Variants in KDELR3 observed in about 807,000 individuals in gnomAD.
The protein encoded by KDELR3 is KDEL endoplasmic reticulum protein retention receptor 3.
In KDELR3, 26 loss-of-function variants were observed where a neutral mutation model predicts 22.7. That is an observed-to-expected ratio of 1.15 (90% CI 0.84 to 1.59). KDELR3 has a LOEUF of 1.59. Ranked by LOEUF, KDELR3 falls within the 40% of genes most tolerant of loss-of-function variation. KDELR3 has a pLI of 0.00. For synonymous variants in KDELR3, 120 were observed against 98.2 expected (o/e 1.22, Z -1.31); for missense variants, 289 against 251.1 (o/e 1.15, Z -1.02).
At chr22:38,469,851 G>A (rs562059281) in intron 1 of KDELR3, among the ~76,000 whole-genome samples, 2 of 152,236 alleles carry the variant, frequency 1.3e-5, no homozygotes, top group African/African-American at 4.8e-5. Flanking sequence ...ACAGAGTTTC[G>A]CTTTGTCCCT....
At chr22:38,471,856 C>T (rs963245544) in intron 1 of KDELR3, among the ~76,000 whole-genome samples, 1 of 147,886 alleles carries the variant, frequency 6.8e-6, no homozygotes, top group Non-Finnish European at 1.5e-5. Context: ...CCCAGCTACT[C>T]AGGAGGCTAA....
At chr22:38,482,400 C>A in intron 4 of KDELR3, 96 bp from the exon 5 acceptor site, 1 of 995,538 alleles carries the variant, frequency 1.0e-6, no homozygotes, top group Non-Finnish European at 1.6e-6. Flanking sequence ...TACTGTGAGC[C>A]GGCCATTAAG....
intron 4 of KDELR3, among the ~76,000 whole-genome samples, 185 bp from the exon 5 acceptor site, chr22:38,482,311 G>C (rs1220944559): frequency 6.6e-6 from 1 of 152,188 alleles, no homozygotes; most frequent in Non-Finnish European, 1.5e-5. Context: ...GGGGAAGGGT[G>C]CCAGTAACCA....
intron 1 of KDELR3, among the ~76,000 whole-genome samples, chr22:38,468,674 G>C (rs1436407598): frequency 4.6e-5 from 7 of 152,098 alleles, no homozygotes; most frequent in Non-Finnish European, 1.0e-4. Flanking sequence ...GGGAGAAGCA[G>C]ATATGCACTC....
intron 1 of KDELR3, among the ~76,000 whole-genome samples, chr22:38,469,833 A>AT (rs1434100071): frequency 2.6e-5 from 4 of 152,088 alleles, no homozygotes; most frequent in Middle Eastern, 3.4e-3. Flanking sequence ...TTTTATTTTT[A>AT]TTTTTTAACA....
chr22:38,468,417 G>T (rs1009162736), intron 1 of KDELR3, 93 bp downstream of exon 1: 5 of 1,044,652 alleles, frequency 4.8e-6, no homozygotes, highest in Admixed American at 4.1e-5. Flanking sequence ...TGTCTGCTCA[G>T]GGTGGGGACT....
intron 4 of KDELR3, chr22:38,481,755 A>G: frequency 1.2e-6 from 1 of 832,918 alleles, no homozygotes. Flanking sequence ...GGCAACCACC[A>G]GCTTGGTGTG....
intron 1 of KDELR3, among the ~76,000 whole-genome samples, chr22:38,472,962 A>G (rs2089534354): frequency 6.6e-6 from 1 of 152,022 alleles, no homozygotes; most frequent in Admixed American, 6.5e-5. Flanking sequence ...CGGCCTCCCA[A>G]AGTGTTGGAT....
At chr22:38,468,942 C>G (rs573077251) in intron 1 of KDELR3, among the ~76,000 whole-genome samples, 1 of 152,188 alleles carries the variant, frequency 6.6e-6, no homozygotes, top group Non-Finnish European at 1.5e-5. Context: ...GCTGGACTCG[C>G]GGTCGCCAAC....
In KDELR3 at chr22:38,482,722, C is replaced by T; in HGVS notation, c.*186C>T. 3.3e-6 allele frequency: 2 copies of T among 600,660 alleles called. No homozygotes were observed. The highest frequency in any genetic ancestry group is 5.9e-6 in the Non-Finnish European group (2 of 340,360). 37.2% of individuals were successfully genotyped at this position (600,660 alleles called of 1,614,324 possible). A position where few individuals can be genotyped will look rare whatever the true frequency, so the allele number is the denominator to read the frequency against. On this transcript the variant is annotated 3_prime_UTR_variant, in exon 5 of 5. Transcript: ENST00000216014. ...CTCATCAATAGATCGCCCTTAAAGACCCATTGTAAGGTCATAAAAAACCTC... is the reference window on the plus strand; with the variant it reads ...CTCATCAATAGATCGCCCTTAAAGATCCATTGTAAGGTCATAAAAAACCTC...
chr22:38,480,174 C>CA (rs1455654084), intron 3 of KDELR3, among the ~76,000 whole-genome samples: 4 of 152,042 alleles, frequency 2.6e-5, no homozygotes, highest in Non-Finnish European at 5.9e-5. Flanking sequence ...GATGGAGTCT[C>CA]ACTCTGTTGC....
At chr22:38,470,943 A>G (rs903627476) in intron 1 of KDELR3, among the ~76,000 whole-genome samples, 1 of 152,168 alleles carries the variant, frequency 6.6e-6, no homozygotes, top group Admixed American at 6.5e-5. Flanking sequence ...CAGGAGTTCA[A>G]GACCAGCCTG....
chr22:38,481,574 A>C (rs2089601724), intron 4 of KDELR3, 110 bp downstream of exon 4: 1 of 1,555,044 alleles, frequency 6.4e-7, no homozygotes, highest in Non-Finnish European at 8.7e-7. Flanking sequence ...TGCCATCCAC[A>C]ATGCTTGTGT....
rs1466917990 is a variant in KDELR3 at position 38,468,247 on chromosome 22, G to A, written c.14G>A (p.Arg5Gln). 1 of 1,613,802 alleles carries A rather than the reference G, an allele frequency of 6.2e-7. No individual in the cohort carries two copies. The highest frequency in any genetic ancestry group is 8.5e-7 in the Non-Finnish European group (1 of 1,179,930). ...ACTGGCTGGACCATGAACGTGTTCC[G>A]AATCCTCGGCGACCTGAGCCACCTC... MNVF[R>Q]ILGDLSHLLA... The change falls in exon 1 of 5, where the codon CGA becomes CAA. Residue 5 changes from arginine to glutamine, a missense_variant. Arg to Gln is a conservative substitution (Grantham distance 43, BLOSUM62 1). Transcript: ENST00000216014.
chr22:38,481,835 A>C (rs902933530), intron 4 of KDELR3, among the ~76,000 whole-genome samples: 2 of 152,246 alleles, frequency 1.3e-5, no homozygotes, highest in Admixed American at 1.3e-4. Context: ...CAGTTCACAT[A>C]GGGCAGGGGT....
Position 38,482,540 on chromosome 22 carries a change from C to T in KDELR3, c.*4C>T. 1 of 1,609,286 alleles carries T rather than the reference C, an allele frequency of 6.2e-7. No homozygotes were observed. The highest frequency in any genetic ancestry group is 8.5e-7 in the Non-Finnish European group (1 of 1,175,572). On this transcript the variant is annotated 3_prime_UTR_variant, in exon 5 of 5. Coordinates refer to ENST00000216014, the MANE Select transcript of KDELR3 (RefSeq NM_006855.4). ...AAGTCTTCCAATGCCAATCTGAGGA[C>T]CTTCAGAGACAGTCTACGCCTTAAC...
At chr22:38,476,306 G>A (rs533830755) in intron 2 of KDELR3, among the ~76,000 whole-genome samples, 20 of 151,338 alleles carry the variant, frequency 1.3e-4, no homozygotes, top group Admixed American at 5.9e-4. Context: ...TGCAAGCTCC[G>A]CCTCCCGGGT....
Position 38,481,358 on chromosome 22 carries a change from G to C in KDELR3, c.498G>C (p.Trp166Cys). Residue 166 changes from tryptophan (W) to cysteine (C), a missense_variant, in exon 4 of 5, where the codon TGG becomes TGC. Coordinates refer to ENST00000216014, the MANE Select transcript of KDELR3 (RefSeq NM_006855.4). Reference protein sequence around the residue: ...GLYRALYLANWIRRYQTENFY... With the variant: ...GLYRALYLANCIRRYQTENFY... Reference sequence around the variant, plus strand: ...ACCGGGCACTCTACCTGGCTAACTGGATCAGGCGGTACCAGACTGAGAATT... The same window carrying C: ...ACCGGGCACTCTACCTGGCTAACTGCATCAGGCGGTACCAGACTGAGAATT... The C allele has an allele frequency of 1.2e-6, 2 of 1,614,194 alleles. No homozygotes were observed. Among genetic ancestry groups the C allele is most frequent in the South Asian group, 2.2e-5 (2 of 91,090 alleles).
intron 2 of KDELR3, 146 bp downstream of exon 2, chr22:38,474,769 T>G: frequency 1.5e-6 from 1 of 652,232 alleles, no homozygotes; most frequent in Non-Finnish European, 2.7e-6. Context: ...AGACCTCATC[T>G]TGGGCCTCTT....
Sources: allele counts gnomAD v4.1 joint callset (sites outside exome capture counted in the v4.1 genomes callset), GRCh38; gene constraint gnomAD v4.1.1; transcripts MANE v1.5; gene names NCBI Gene and HGNC (gene_info 2026-07-23, HGNC 2026-07-21).